The following SNTG1 variants were observed in gnomAD, a reference collection of about 807,000 sequenced individuals.
The protein encoded by SNTG1 is syntrophin gamma 1, also known as gamma-1-syntrophin.
In SNTG1, 39 loss-of-function variants were observed where a neutral mutation model predicts 74.7. The ratio of observed to expected loss-of-function variants is 0.52; its 90% CI spans 0.40 to 0.68. SNTG1 has a LOEUF of 0.68. Ranked by LOEUF, SNTG1 falls within the 30% of genes least tolerant of loss-of-function variation. The pLI is 0.00. For synonymous variants in SNTG1, 254 were observed against 217.1 expected (o/e 1.17, Z -1.49); for missense variants, 685 against 609.5 (o/e 1.12, Z -1.30).
chr8:50,790,975 A>G (rs992669636), intron 18 of SNTG1, among the ~76,000 whole-genome samples: 10 of 151,956 alleles, frequency 6.6e-5, no homozygotes, highest in Admixed American at 1.3e-4. Context: ...ACTCAACTAT[A>G]TTCTCCTCCT....
chr8:49,987,854 T>C (rs1264228112), intron 1 of SNTG1, among the ~76,000 whole-genome samples: 1 of 152,042 alleles, frequency 6.6e-6, no homozygotes. Context: ...TTCACCGTGT[T>C]AGCCAGGATG....
intron 18 of SNTG1, among the ~76,000 whole-genome samples, chr8:50,783,134 G>A (rs924643053): frequency 6.3e-4 from 96 of 152,262 alleles, no homozygotes; most frequent in Middle Eastern, 3.4e-3. Context: ...TAGGCTGCTC[G>A]GGGGTCAGGG....
intron 1 of SNTG1, among the ~76,000 whole-genome samples, chr8:50,092,017 C>T (rs2079757601): frequency 6.6e-6 from 1 of 152,060 alleles, no homozygotes; most frequent in Non-Finnish European, 1.5e-5. Context: ...CCAATAAAAC[C>T]CTTCTTTTCC....
intron 2 of SNTG1, among the ~76,000 whole-genome samples, chr8:50,256,062 C>T (rs867925967): frequency 1.3e-5 from 2 of 152,308 alleles, no homozygotes; most frequent in Middle Eastern, 6.8e-3. Context: ...TGTCTGCTTT[C>T]TGACACTGCC....
At chr8:50,333,546 T>A (rs1419055482) in intron 2 of SNTG1, among the ~76,000 whole-genome samples, 3 of 152,242 alleles carry the variant, frequency 2.0e-5, no homozygotes, top group Admixed American at 2.0e-4. Flanking sequence ...GCTATGAATG[T>A]ACTTTCTTAT....
intron 15 of SNTG1, among the ~76,000 whole-genome samples, chr8:50,682,636 T>C (rs2095335778): frequency 6.6e-6 from 1 of 152,140 alleles, no homozygotes; most frequent in East Asian, 1.9e-4. Flanking sequence ...ACTGTGTCAG[T>C]CTCACATTTC....
chr8:50,713,638 C>A (rs1328934082), intron 17 of SNTG1, among the ~76,000 whole-genome samples: 1 of 151,100 alleles, frequency 6.6e-6, no homozygotes, highest in African/African-American at 2.5e-5. Context: ...GGTTTTCAGT[C>A]TTATATTTAA....
chr8:50,689,319 C>G (rs1160114357), intron 15 of SNTG1, among the ~76,000 whole-genome samples: 2 of 152,120 alleles, frequency 1.3e-5, no homozygotes, highest in African/African-American at 4.8e-5. Context: ...GTGCATCCCT[C>G]TCTTGTCCCC....
intron 1 of SNTG1, among the ~76,000 whole-genome samples, chr8:50,074,695 T>A (rs1233422378): frequency 6.6e-6 from 1 of 152,168 alleles, no homozygotes; most frequent in Non-Finnish European, 1.5e-5. Context: ...TACTGAGAGG[T>A]GACCGTGCTG....
intron 9 of SNTG1, among the ~76,000 whole-genome samples, chr8:50,524,075 T>G (rs1171968100): frequency 6.6e-6 from 1 of 152,204 alleles, no homozygotes; most frequent in African/African-American, 2.4e-5. Context: ...TTTCATTTGT[T>G]TCCTTGTTTT....
At chr8:49,994,616 T>A (rs1443356238) in intron 1 of SNTG1, among the ~76,000 whole-genome samples, 1 of 151,972 alleles carries the variant, frequency 6.6e-6, no homozygotes, top group Non-Finnish European at 1.5e-5. Context: ...TGCTGAATTG[T>A]AGTAACCCAA....
intron 2 of SNTG1, among the ~76,000 whole-genome samples, chr8:50,182,453 G>C (rs547158028): frequency 6.6e-6 from 1 of 152,160 alleles, no homozygotes; most frequent in African/African-American, 2.4e-5. Context: ...ATCTTTAGTT[G>C]AGTAACATGT....
chr8:50,591,817 G>T (rs991825509), intron 13 of SNTG1, among the ~76,000 whole-genome samples: 1 of 152,188 alleles, frequency 6.6e-6, no homozygotes, highest in African/African-American at 2.4e-5. Context: ...AGCTCCAGAG[G>T]TCCCCTCCCT....
chr8:50,217,986 C>A (rs2084877721), intron 2 of SNTG1, among the ~76,000 whole-genome samples: 2 of 152,120 alleles, frequency 1.3e-5, no homozygotes, highest in South Asian at 2.1e-4. Context: ...TGAATAAAAT[C>A]AAATATAACA....
intron 4 of SNTG1, among the ~76,000 whole-genome samples, chr8:50,425,472 C>T (rs1488938079): frequency 6.6e-6 from 1 of 152,108 alleles, no homozygotes; most frequent in East Asian, 1.9e-4. Context: ...CAGATGGGAC[C>T]ACCTAGTTGC....
intron 13 of SNTG1, among the ~76,000 whole-genome samples, chr8:50,621,023 A>C (rs1043287255): frequency 6.6e-6 from 1 of 151,832 alleles, no homozygotes; most frequent in Non-Finnish European, 1.5e-5. Context: ...TGAAACAGAA[A>C]CACATATAGT....
intron 9 of SNTG1, among the ~76,000 whole-genome samples, chr8:50,520,627 T>C (rs1408428623): frequency 6.6e-6 from 1 of 152,150 alleles, no homozygotes; most frequent in Non-Finnish European, 1.5e-5. Flanking sequence ...GAACAGACAC[T>C]TCTCAAAAGA....
intron 4 of SNTG1, among the ~76,000 whole-genome samples, chr8:50,413,726 T>C (rs1167132794): frequency 6.6e-6 from 1 of 152,224 alleles, no homozygotes; most frequent in African/African-American, 2.4e-5. Context: ...GCTCCCTGGA[T>C]TCTCCATTTT....
intron 1 of SNTG1, among the ~76,000 whole-genome samples, chr8:49,951,873 C>CAAAAAAA (rs5891338): frequency 5.9e-4 from 33 of 56,298 alleles, no homozygotes; most frequent in East Asian, 1.3e-3. Flanking sequence ...GGAAAATTCA[C>CAAAAAAA]AAAAAAAAAA....
Sources: allele counts gnomAD v4.1 joint callset (sites outside exome capture counted in the v4.1 genomes callset), GRCh38; gene constraint gnomAD v4.1.1; transcripts MANE v1.5; gene names NCBI Gene and HGNC (gene_info 2026-07-23, HGNC 2026-07-21).